The following LRBA variants were observed in gnomAD, a reference collection of about 807,000 sequenced individuals.
The protein encoded by LRBA is LPS responsive beige-like anchor protein, also known as lipopolysaccharide-responsive and beige-like anchor protein.
A neutral mutation model predicts 330.0 loss-of-function variants in LRBA; 176 were observed. That is an observed-to-expected ratio of 0.53 (90% CI 0.47 to 0.60). LRBA has a LOEUF of 0.60. Among genes scored for constraint, LRBA ranks in the 20% least tolerant of loss-of-function variants. The pLI is 0.00. For missense variants in LRBA, 3,259 were observed against 3,444.8 expected, an observed-to-expected ratio of 0.95 and a Z score of 1.35; for synonymous variants, 1,230 against 1,193.0, an observed-to-expected ratio of 1.03 and a Z score of -0.64.
chr4:150,489,489 T>A (rs1157521642), intron 41 of LRBA, among the ~76,000 whole-genome samples: 4 of 72,950 alleles, frequency 5.5e-5, no homozygotes, highest in South Asian at 8.2e-4. Flanking sequence ...TAAGAATATA[T>A]AATATATTAT....
intron 53 of LRBA, among the ~76,000 whole-genome samples, chr4:150,293,339 T>C (rs1206224499): frequency 6.6e-6 from 1 of 152,230 alleles, no homozygotes; most frequent in Non-Finnish European, 1.5e-5. Flanking sequence ...TTCCATTAAC[T>C]TCCTAGTTTT....
At chr4:150,998,398 G>T (rs1237063864) in intron 2 of LRBA, among the ~76,000 whole-genome samples, 2 of 151,286 alleles carry the variant, frequency 1.3e-5, no homozygotes, top group Non-Finnish European at 2.9e-5. Context: ...CTGTCGCCCA[G>T]GATAGAGTAC....
At chr4:150,796,966 A>G (rs1740876855) in intron 34 of LRBA, among the ~76,000 whole-genome samples, 2 of 151,910 alleles carry the variant, frequency 1.3e-5, no homozygotes, top group Admixed American at 1.3e-4. Flanking sequence ...TCTAAATGAG[A>G]TGATTAAATT....
chr4:150,838,286 G>A (rs537296232), intron 28 of LRBA, among the ~76,000 whole-genome samples: 15 of 152,096 alleles, frequency 9.9e-5, no homozygotes, highest in Admixed American at 8.5e-4. Context: ...TGCTCTTCTC[G>A]AGGAGTATGT....
At chr4:150,753,179 C>G (rs1037523630) in intron 35 of LRBA, among the ~76,000 whole-genome samples, 2 of 152,140 alleles carry the variant, frequency 1.3e-5, no homozygotes, top group African/African-American at 4.8e-5. Flanking sequence ...ATTCTCCTCC[C>G]CTCGTTTTAA....
At chr4:150,499,491 T>G (rs1205547648) in intron 40 of LRBA, among the ~76,000 whole-genome samples, 1 of 151,924 alleles carries the variant, frequency 6.6e-6, no homozygotes, top group Non-Finnish European at 1.5e-5. Flanking sequence ...AAAAATAAAA[T>G]TAGATGACTG....
intron 42 of LRBA, among the ~76,000 whole-genome samples, chr4:150,475,170 T>C (rs985938549): frequency 3.3e-5 from 5 of 152,170 alleles, no homozygotes; most frequent in Admixed American, 6.6e-5. Flanking sequence ...GCTGAATTTG[T>C]TTCCTAAATT....
intron 37 of LRBA, among the ~76,000 whole-genome samples, chr4:150,682,487 AC>A (rs1419977277): frequency 1.6e-4 from 25 of 152,186 alleles, no homozygotes; most frequent in Admixed American, 1.6e-3. Flanking sequence ...AAAATTAGGT[AC>A]CCAGAAATAT....
intron 2 of LRBA, among the ~76,000 whole-genome samples, chr4:150,963,387 C>G (rs1181727553): frequency 6.7e-6 from 1 of 149,684 alleles, no homozygotes; most frequent in East Asian, 1.9e-4. Flanking sequence ...GGGTTTCGCC[C>G]TGTTGGCCGG....
chr4:150,285,873 A>T, intron 54 of LRBA, 60 bp downstream of exon 54: 1 of 1,065,602 alleles, frequency 9.4e-7, no homozygotes, highest in Non-Finnish European at 1.3e-6. Flanking sequence ...AATCTTTGGT[A>T]ATTTGTTTCT....
chr4:150,545,547 A>C (rs993537071), intron 40 of LRBA, among the ~76,000 whole-genome samples: 7 of 152,286 alleles, frequency 4.6e-5, no homozygotes, highest in African/African-American at 1.4e-4. Context: ...AGCTTAAAAA[A>C]AATAATTCGC....
chr4:150,643,927 A>C (rs1185703344), intron 37 of LRBA, among the ~76,000 whole-genome samples: 2 of 151,996 alleles, frequency 1.3e-5, no homozygotes, highest in African/African-American at 4.8e-5. Flanking sequence ...CTACAAAAGC[A>C]GAGTACGTGG....
intron 46 of LRBA, chr4:150,423,526 G>T: frequency 2.2e-6 from 1 of 451,642 alleles, no homozygotes; most frequent in Non-Finnish European, 4.1e-6. Context: ...TGGAGCCACA[G>T]AGACTGGAGG....
At chr4:150,763,458 C>G (rs1047126984) in intron 34 of LRBA, among the ~76,000 whole-genome samples, 1 of 151,878 alleles carries the variant, frequency 6.6e-6, no homozygotes, top group African/African-American at 2.4e-5. Context: ...AACAGGGATA[C>G]TAAATTTTTT....
rs188874838 is a variant in LRBA at position 150,268,088 on chromosome 4, C to T, written c.8469-2276G>A. Among the ~76,000 whole-genome samples the T allele has an allele frequency of 4.7e-5, 7 of 150,014 alleles. No homozygotes were observed. The East Asian group carries it at 1.4e-3, about 29-fold the overall frequency. ...AAAAAAAAAAAAATGACTCAAATTA[C>T]TAAAATCAGAAATAAAAGTTGGGAC... On this transcript the variant is annotated intron_variant, in intron 56 of 56. Transcript: ENST00000651943.
intron 47 of LRBA, among the ~76,000 whole-genome samples, chr4:150,392,970 ACAAACCTG>A (rs1744208153): frequency 6.6e-6 from 1 of 151,992 alleles, no homozygotes; most frequent in African/African-American, 2.4e-5. Flanking sequence ...TACCTATGTA[ACAAACCTG>A]CATGTTCCGT....
intron 2 of LRBA, among the ~76,000 whole-genome samples, chr4:150,992,488 A>G (rs1482555587): frequency 2.6e-5 from 4 of 152,236 alleles, no homozygotes; most frequent in East Asian, 3.8e-4. Context: ...CATGCCATAC[A>G]TGATAAGATT....
At chr4:150,775,357 T>C (rs1042924284) in intron 34 of LRBA, among the ~76,000 whole-genome samples, 6 of 151,976 alleles carry the variant, frequency 3.9e-5, no homozygotes, top group Non-Finnish European at 5.9e-5. Flanking sequence ...AAAGCCTTAC[T>C]ACATCCCCAG....
intron 37 of LRBA, among the ~76,000 whole-genome samples, chr4:150,656,724 G>A (rs150197747): frequency 1.3e-5 from 2 of 152,236 alleles, no homozygotes; most frequent in African/African-American, 4.8e-5. Context: ...ATACTAAAAT[G>A]TAAGACCCAT....
Sources: gnomAD v4.1 joint callset for allele counts (sites outside exome capture counted in the v4.1 genomes callset) on GRCh38, gnomAD v4.1.1 for gene constraint, MANE v1.5 for transcripts, NCBI Gene and HGNC (gene_info 2026-07-23, HGNC 2026-07-21) for gene names.